The following NAV2 variants were observed in gnomAD, a reference collection of about 807,000 sequenced individuals.
NAV2 encodes the protein helicase, APC down-regulated 1.
In NAV2, 54 loss-of-function variants were observed where a neutral mutation model predicts 223.2. The observed-to-expected ratio is 0.24, with a 90% confidence interval of 0.19 to 0.30. The LOEUF (loss-of-function observed/expected upper bound fraction) is 0.30. NAV2 is among the 10% of genes least tolerant of loss of function. The pLI is 1.00. For synonymous variants in NAV2, 1,279 were observed against 1,239.3 expected (o/e 1.03, Z -0.67); for missense variants, 2,806 against 3,147.5 (o/e 0.89, Z 2.60).
intron 1 of NAV2, among the ~76,000 whole-genome samples, chr11:19,569,172 T>C (rs1279677818): frequency 6.6e-6 from 1 of 152,222 alleles, no homozygotes; most frequent in East Asian, 1.9e-4. Flanking sequence ...AATAAAGAAA[T>C]TAGCAAATAC....
At chr11:19,710,860 A>C (rs1355016433), upstream of NAV2, 1 of 152,226 alleles carries the variant, frequency 6.6e-6, no homozygotes, top group African/African-American at 2.4e-5. Flanking sequence ...CATTCAGTAT[A>C]AATGTTGGGT....
intron 32 of NAV2, among the ~76,000 whole-genome samples, chr11:20,102,132 A>G (rs1307962000): frequency 6.6e-6 from 1 of 152,188 alleles, no homozygotes; most frequent in Non-Finnish European, 1.5e-5. Context: ...TGTGTGAGTT[A>G]GGGAACTTCT....
rs1252163627 is a variant in NAV2, at chr11:20,045,675, G to A, written c.3902+5G>A. The A allele has an allele frequency of 2.5e-6, 4 of 1,608,916 alleles. No individual in the cohort carries two copies. Among genetic ancestry groups the A allele is most frequent in the Admixed American group, 1.7e-5 (1 of 59,948 alleles). On this transcript the variant is annotated splice_donor_5th_base_variant and intron_variant, in intron 14 of 37. Transcript: ENST00000349880. ...GGCCTCTCCCACACTCCGCAGGTAA[G>A]TGAGTACATAAATGGTGCAGAGCAG...
intron 1 of NAV2, among the ~76,000 whole-genome samples, chr11:19,755,297 G>C (rs994426275): frequency 3.3e-5 from 5 of 152,176 alleles, no homozygotes; most frequent in African/African-American, 1.2e-4. Flanking sequence ...CAGCCAAAAT[G>C]GTGGAGGTGA....
At chr11:19,696,396 T>G (rs2049342601) in intron 1 of NAV2, among the ~76,000 whole-genome samples, 1 of 152,252 alleles carries the variant, frequency 6.6e-6, no homozygotes, top group Non-Finnish European at 1.5e-5. Context: ...GTCCAAACAC[T>G]GACCTGCCCA....
At chr11:19,378,509 G>A (rs927042869) in intron 1 of NAV2, among the ~76,000 whole-genome samples, 6 of 151,438 alleles carry the variant, frequency 4.0e-5, no homozygotes, top group South Asian at 4.2e-4. Flanking sequence ...GAATCAGCGC[G>A]CACCCTTAAT....
At chr11:19,925,357 A>G (rs1306469931) in intron 6 of NAV2, among the ~76,000 whole-genome samples, 1 of 152,222 alleles carries the variant, frequency 6.6e-6, no homozygotes, top group African/African-American at 2.4e-5. Context: ...ATCCAAAGTC[A>G]TGAGGTTTTG....
chr11:19,752,425 CA>C (rs1270222566), intron 1 of NAV2, among the ~76,000 whole-genome samples: 1 of 152,152 alleles, frequency 6.6e-6, no homozygotes, highest in African/African-American at 2.4e-5. Context: ...TTTCTCATTT[CA>C]AAAATCTTAT....
intron 1 of NAV2, among the ~76,000 whole-genome samples, chr11:19,438,368 G>A (rs912522077): frequency 1.3e-5 from 2 of 152,244 alleles, no homozygotes; most frequent in Non-Finnish European, 2.9e-5. Flanking sequence ...AGGTTTGGAT[G>A]CAAGCAGCCC....
At chr11:19,405,084 G>A (rs576199231) in intron 1 of NAV2, among the ~76,000 whole-genome samples, 1 of 152,292 alleles carries the variant, frequency 6.6e-6, no homozygotes, top group South Asian at 2.1e-4. Context: ...ACAGGAATTA[G>A]TATTAACTGT....
At chr11:19,718,042 C>G (rs991525798) in intron 1 of NAV2, among the ~76,000 whole-genome samples, 3 of 150,612 alleles carry the variant, frequency 2.0e-5, no homozygotes, top group Admixed American at 6.6e-5. Context: ...ACAGCTGGTT[C>G]TCCCCCACCC....
At chr11:19,498,419 CT>C (rs1426264845) in intron 1 of NAV2, among the ~76,000 whole-genome samples, 3 of 152,198 alleles carry the variant, frequency 2.0e-5, no homozygotes, top group African/African-American at 7.2e-5. Context: ...CCTCAGTATG[CT>C]TTTCTTGAAC....
chr11:20,114,480 A>G, intron 36 of NAV2, 112 bp from the exon 37 acceptor site: 1 of 913,926 alleles, frequency 1.1e-6, no homozygotes, highest in Non-Finnish European at 1.7e-6. Context: ...GAATTACTCC[A>G]TCAGGGAAGG....
At chr11:19,432,709 T>G (rs965139176) in intron 1 of NAV2, among the ~76,000 whole-genome samples, 1 of 152,138 alleles carries the variant, frequency 6.6e-6, no homozygotes, top group African/African-American at 2.4e-5. Context: ...GTCCCTGTAG[T>G]GGAGACTGCA....
At chr11:19,859,137 C>CTCTTTT (rs1467179579) in intron 3 of NAV2, among the ~76,000 whole-genome samples, 1 of 107,108 alleles carries the variant, frequency 9.3e-6, no homozygotes. Context: ...ATCATATTCT[C>CTCTTTT]TTTTTTTTTT....
intron 1 of NAV2, among the ~76,000 whole-genome samples, chr11:19,697,853 G>A (rs975120363): frequency 6.6e-6 from 1 of 152,238 alleles, no homozygotes; most frequent in African/African-American, 2.4e-5. Context: ...GGAGGAATGT[G>A]AGAAGGGCCT....
At chr11:19,518,566 C>A (rs972733953) in intron 1 of NAV2, 6 of 152,222 alleles carry the variant, frequency 3.9e-5, no homozygotes, top group Non-Finnish European at 5.9e-5. Flanking sequence ...AACAAAGTAC[C>A]CTGCCTTTTG....
At position 19,714,567 on chromosome 11, in the gene NAV2, G is replaced by A. The variant is rs74323708; in HGVS notation, c.267+605G>A. 9.7e-3 allele frequency: 4,174 copies of A among 430,626 alleles called. 158 individuals carry two copies. The highest frequency in any genetic ancestry group is 0.077 in the African/African-American group (3,797 of 49,428). 26.7% of individuals were successfully genotyped at this position (430,626 alleles called of 1,614,324 possible). ...CGGTACTAGTGCACCAGCTGAGGCC[G>A]GCAGCTGGAGACTCCTAGCGCCTTG... On this transcript the variant is annotated intron_variant, in intron 1 of 37. Coordinates refer to ENST00000349880, the MANE Select transcript of NAV2 (RefSeq NM_145117.5).
chr11:19,399,059 C>CA (rs1422515706), intron 1 of NAV2, among the ~76,000 whole-genome samples: 1 of 152,248 alleles, frequency 6.6e-6, no homozygotes, highest in East Asian at 1.9e-4. Context: ...CTTATTACTG[C>CA]AAAAAGAGAT....
Sources: allele counts gnomAD v4.1 joint callset (sites outside exome capture counted in the v4.1 genomes callset), GRCh38; gene constraint gnomAD v4.1.1; transcripts MANE v1.5; gene names NCBI Gene and HGNC (gene_info 2026-07-23, HGNC 2026-07-21).